PCLO: variants seen among roughly 807,000 people sequenced by gnomAD.
The protein encoded by PCLO is piccolo presynaptic cytomatrix protein.
Under a neutral mutation model 427.5 loss-of-function variants are expected in PCLO, and 82 were observed. The observed-to-expected ratio is 0.19, with a 90% CI of 0.16 to 0.23. The LOEUF is 0.23. Among genes scored for constraint, PCLO ranks in the 10% least tolerant of loss-of-function variants. PCLO has a pLI of 1.00. For synonymous variants in PCLO, 2,357 were observed against 2,155.4 expected, an observed-to-expected ratio of 1.09 and a Z score of -2.59; for missense variants, 6,239 against 6,115.9, an observed-to-expected ratio of 1.02 and a Z score of -0.67.
intron 20 of PCLO, chr7:82,821,328 T>A: frequency 9.1e-6 from 9 of 985,998 alleles, no homozygotes; most frequent in Non-Finnish European, 1.1e-5. Context: ...AAACCCAGAG[T>A]ATGTATCCTC....
At chr7:83,053,938 A>G (rs942305791) in intron 3 of PCLO, among the ~76,000 whole-genome samples, 3 of 152,022 alleles carry the variant, frequency 2.0e-5, no homozygotes, top group Non-Finnish European at 4.4e-5. Context: ...TCTATGAAAT[A>G]TAGGTATATA....
chr7:83,081,774 T>C (rs1790107133), intron 3 of PCLO, among the ~76,000 whole-genome samples: 1 of 151,770 alleles, frequency 6.6e-6, no homozygotes, highest in Non-Finnish European at 1.5e-5. Context: ...CTAACACCTA[T>C]GCTAATTATC....
At chr7:82,847,550 A>G (rs770284126) in intron 10 of PCLO, among the ~76,000 whole-genome samples, 6 of 152,166 alleles carry the variant, frequency 3.9e-5, no homozygotes, top group Non-Finnish European at 8.8e-5. Context: ...TTGAATATAT[A>G]TTGCTCAGAC....
intron 22 of PCLO, among the ~76,000 whole-genome samples, chr7:82,772,303 T>C (rs1790664106): frequency 6.6e-6 from 1 of 152,270 alleles, no homozygotes; most frequent in African/African-American, 2.4e-5. Context: ...ATATTTTTTT[T>C]CAAATCTATG....
chr7:82,935,374 T>C (rs1395277780), intron 6 of PCLO, among the ~76,000 whole-genome samples: 1 of 151,328 alleles, frequency 6.6e-6, no homozygotes, highest in Non-Finnish European at 1.5e-5. Context: ...GCTGCAAAGA[T>C]AAAATGAGCT....
chr7:82,831,977 T>G (rs2023847), intron 16 of PCLO, among the ~76,000 whole-genome samples: 34,602 of 152,122 alleles, frequency 0.23, 5,189 homozygotes, highest in Non-Finnish European at 0.33. Context: ...GGTAGGCAGG[T>G]AAACAGGGGG....
Position 82,950,116 on chromosome 7 carries a change from T to G in PCLO, c.10472A>C (p.Lys3491Thr). Residue 3491 changes from lysine (K) to threonine (T), a missense_variant, in exon 6 of 25, where the codon AAA becomes ACA. Transcript: ENST00000333891. ...GTCACCATATTTCCCTACACGAGCTTTCCTCCTTGATCTAGTAGGCATATC... is the reference window on the plus strand; with the variant it reads ...GTCACCATATTTCCCTACACGAGCTGTCCTCCTTGATCTAGTAGGCATATC... ...EWDMPTRSRR[K>T]ARVGKYGDSM... The G allele has an allele frequency of 6.2e-7, 1 of 1,610,410 alleles. No homozygotes were observed. The highest frequency in any genetic ancestry group is 8.5e-7 in the Non-Finnish European group (1 of 1,179,304).
intron 16 of PCLO, among the ~76,000 whole-genome samples, chr7:82,834,180 T>G (rs1460971085): frequency 6.6e-6 from 1 of 152,190 alleles, no homozygotes; most frequent in Non-Finnish European, 1.5e-5. Context: ...ACAATCTCTA[T>G]CATTCTGATA....
intron 3 of PCLO, among the ~76,000 whole-genome samples, chr7:83,099,257 A>C (rs1790674432): frequency 6.7e-6 from 1 of 148,490 alleles, no homozygotes. Flanking sequence ...AGGCAACGAG[A>C]TACTGACAGC....
Position 82,966,356 on chromosome 7 carries a change from T to C in PCLO, c.3432A>G (p.Ser1144=), listed in dbSNP as rs201057828. 5.0e-4 allele frequency: 801 copies of C among 1,613,790 alleles called. 1 individual carries two copies. Among genetic ancestry groups the C allele is most frequent in the Non-Finnish European group, 6.4e-4 (752 of 1,179,844 alleles). Residue 1144 remains serine, a synonymous_variant, in exon 4 of 25, where the codon TCA becomes TCG. Coordinates refer to ENST00000333891, the MANE Select transcript of PCLO (RefSeq NM_033026.6). ...GGGGAGGCACTGCTGTTTTCTGAGA[T>C]GATGATTCTGTAGGAACAGGCATAG... ...ASPMPVPTES[S]SQKTAVPPQV...
At chr7:82,794,838 A>T (rs1271971865) in intron 22 of PCLO, among the ~76,000 whole-genome samples, 1 of 151,814 alleles carries the variant, frequency 6.6e-6, no homozygotes, top group South Asian at 2.1e-4. Flanking sequence ...AACATGGGAG[A>T]TCCTTATTTA....
At chr7:82,905,375 T>C (rs1794161986) in intron 8 of PCLO, among the ~76,000 whole-genome samples, 1 of 152,020 alleles carries the variant, frequency 6.6e-6, no homozygotes, top group South Asian at 2.1e-4. Context: ...TTTGTTAACA[T>C]ACTGTGTATT....
At chr7:82,848,000 C>T (rs971201425) in intron 10 of PCLO, among the ~76,000 whole-genome samples, 2 of 152,080 alleles carry the variant, frequency 1.3e-5, no homozygotes, top group African/African-American at 4.8e-5. Context: ...CTGGCCTGAC[C>T]TGGTCAGGGC....
In PCLO at chr7:82,758,238, C is replaced by T. The variant is rs1008330971; in HGVS notation, c.*337G>A. The T allele has an allele frequency of 2.3e-5, 4 of 175,848 alleles. No homozygotes were observed. The highest frequency in any genetic ancestry group is 4.7e-5 in the Non-Finnish European group (4 of 84,276). 10.9% of individuals were successfully genotyped at this position (175,848 alleles called of 1,614,324 possible). ...TTACCTTTGTGCTGCATGAAAACCA[C>T]ATTAATCTTTGAGCCTGTCTTAAGC... is the stretch of plus-strand genomic sequence containing the variant. On this transcript the variant is annotated 3_prime_UTR_variant, in exon 25 of 25. Transcript: ENST00000333891.
chr7:83,073,989 T>C (rs1340554639), intron 3 of PCLO, among the ~76,000 whole-genome samples: 1 of 151,832 alleles, frequency 6.6e-6, no homozygotes, highest in Admixed American at 6.6e-5. Flanking sequence ...GGGTACTAAA[T>C]ATAGAAAATT....
chr7:82,930,829 G>A (rs1037920141), intron 6 of PCLO, among the ~76,000 whole-genome samples: 1 of 152,082 alleles, frequency 6.6e-6, no homozygotes, highest in East Asian at 1.9e-4. Context: ...GATATGTGAT[G>A]GGTCTAGAAA....
chr7:82,836,949 T>G (rs900599906), intron 15 of PCLO, among the ~76,000 whole-genome samples: 1 of 152,128 alleles, frequency 6.6e-6, no homozygotes, highest in African/African-American at 2.4e-5. Context: ...AACAGTCTAT[T>G]TTGGTGAATG....
At position 82,831,149 on chromosome 7, in the gene PCLO, C is replaced by T. The variant is rs186635358; in HGVS notation, c.14250-3183G>A. Among the ~76,000 whole-genome samples, 300 of 151,986 alleles carry T rather than the reference C, an allele frequency of 2.0e-3. 5 individuals are homozygous for T. Among genetic ancestry groups the T allele is most frequent in the African/African-American group, 6.8e-3 (283 of 41,498 alleles). On this transcript the variant is annotated intron_variant, in intron 16 of 24. Transcript: ENST00000333891. ...TAACTCATGTAATACTCATATTAACCCCATTATACAGGTATTACTTCTTAC... is the reference window on the plus strand; with the variant it reads ...TAACTCATGTAATACTCATATTAACTCCATTATACAGGTATTACTTCTTAC...
intron 3 of PCLO, among the ~76,000 whole-genome samples, chr7:83,050,693 C>G (rs1345606820): frequency 1.3e-5 from 2 of 150,258 alleles, no homozygotes; most frequent in African/African-American, 4.9e-5. Context: ...CACCTGAGGT[C>G]AGTTTGGGAA....
Sources: allele counts gnomAD v4.1 joint callset (sites outside exome capture counted in the v4.1 genomes callset), GRCh38; gene constraint gnomAD v4.1.1; transcripts MANE v1.5; gene names NCBI Gene and HGNC (gene_info 2026-07-23, HGNC 2026-07-21).